Variants in SS18 observed in about 807,000 individuals in gnomAD.
SS18 encodes the protein SS18 subunit of BAF chromatin remodeling complex.
A neutral mutation model predicts 72.5 loss-of-function variants in SS18; 28 were observed. The ratio of observed to expected loss-of-function variants is 0.39; its 90% CI spans 0.29 to 0.53. The LOEUF is 0.53. Ranked by LOEUF, SS18 falls within the 20% of genes least tolerant of loss-of-function variation. The probability of loss-of-function intolerance (pLI) is 0.76; values close to 1 mark genes in which losing one functional copy is unlikely to be tolerated. For synonymous variants in SS18, 172 were observed against 164.2 expected, an observed-to-expected ratio of 1.05 and a Z score of -0.37; for missense variants, 518 against 535.3, an observed-to-expected ratio of 0.97 and a Z score of 0.32.
chr18:26,039,561 T>TA, intron 5 of SS18, 105 bp from the exon 6 acceptor site: 1 of 1,004,330 alleles, frequency 1.0e-6, no homozygotes. Context: ...AATATATAAT[T>TA]AAATGCAGTA....
intron 3 of SS18, chr18:26,065,021 G>C (rs912334783): frequency 6.6e-6 from 1 of 151,978 alleles, no homozygotes; most frequent in Non-Finnish European, 1.5e-5. Context: ...AAAACACTAG[G>C]AATAAATCTA....
chr18:26,051,851 T>C (rs1316761832), intron 5 of SS18, among the ~76,000 whole-genome samples: 3 of 152,254 alleles, frequency 2.0e-5, no homozygotes, highest in Admixed American at 6.5e-5. Flanking sequence ...TAAGGAATTA[T>C]CAACAGATTA....
At chr18:26,029,026 C>T (rs865958701) in intron 10 of SS18, among the ~76,000 whole-genome samples, 6 of 152,114 alleles carry the variant, frequency 3.9e-5, no homozygotes, top group Non-Finnish European at 5.9e-5. Context: ...CTCTCTGATA[C>T]GACGTGATGA....
chr18:26,072,811 A>AAC (rs1458425430), intron 3 of SS18, among the ~76,000 whole-genome samples: 2 of 151,020 alleles, frequency 1.3e-5, no homozygotes, highest in African/African-American at 2.4e-5. Context: ...AAAAAAAAAA[A>AAC]AAAAAAAAAA....
At chr18:26,048,839 A>C (rs966575880) in intron 5 of SS18, among the ~76,000 whole-genome samples, 4 of 152,246 alleles carry the variant, frequency 2.6e-5, no homozygotes, top group Non-Finnish European at 4.4e-5. Context: ...AAAATAAGAC[A>C]GTAGCTGATA....
intron 4 of SS18, among the ~76,000 whole-genome samples, chr18:26,057,231 C>T (rs1204997483): frequency 1.3e-5 from 2 of 152,154 alleles, no homozygotes; most frequent in Admixed American, 6.5e-5. Flanking sequence ...TAAATAAAAA[C>T]TCAGGGAAAT....
At chr18:26,053,638 A>T (rs2053962115) in intron 4 of SS18, among the ~76,000 whole-genome samples, 2 of 150,616 alleles carry the variant, frequency 1.3e-5, no homozygotes, top group African/African-American at 5.0e-5. Flanking sequence ...CAGTAAAAGA[A>T]TGGGCAAAGG....
intron 5 of SS18, among the ~76,000 whole-genome samples, chr18:26,040,668 T>C (rs948388298): frequency 1.3e-5 from 2 of 152,210 alleles, no homozygotes; most frequent in Admixed American, 6.5e-5. Flanking sequence ...AGACTTCACA[T>C]TTCCAATCAG....
intron 10 of SS18, among the ~76,000 whole-genome samples, chr18:26,026,947 G>T (rs2053456079): frequency 6.6e-6 from 1 of 152,080 alleles, no homozygotes; most frequent in African/African-American, 2.4e-5. Context: ...ATATGACACT[G>T]TTAAAAAAAA....
chr18:26,083,246 G>A (rs1476003495), intron 2 of SS18, among the ~76,000 whole-genome samples: 1 of 150,782 alleles, frequency 6.6e-6, no homozygotes, highest in Admixed American at 6.7e-5. Context: ...TGTAGAGAAT[G>A]AGGGAAATGA....
chr18:26,036,891 A>G (rs2053635230), intron 7 of SS18, among the ~76,000 whole-genome samples: 1 of 152,096 alleles, frequency 6.6e-6, no homozygotes, highest in Non-Finnish European at 1.5e-5. Flanking sequence ...AGTCATGCCT[A>G]TTCATTTCAG....
rs530943881 is a variant in SS18 at position 26,073,266 on chromosome 18, GAATTA to G, written c.231+4805_231+4809del. Among the ~76,000 whole-genome samples, 301 of 152,084 alleles carry G rather than the reference GAATTA, an allele frequency of 2.0e-3. 1 individual carries two copies. The highest frequency in any genetic ancestry group is 7.1e-3 in the African/African-American group (296 of 41,506). On this transcript the variant is annotated intron_variant, in intron 3 of 10. Transcript: ENST00000415083. Reference sequence around the variant, plus strand: ...AATTATGAAAATTAGAAAATATTTGGAATTAAATAAATATGAATATACTACATATC... The same window carrying G: ...AATTATGAAAATTAGAAAATATTTGGAATAAATATGAATATACTACATATC...
intron 7 of SS18, 111 bp from the exon 8 acceptor site, chr18:26,036,034 C>T (rs1174120284): frequency 1.3e-6 from 1 of 753,982 alleles, no homozygotes; most frequent in African/African-American, 1.8e-5. Flanking sequence ...AGAAATGGAA[C>T]ATAAAAAATA....
At chr18:26,078,651 C>A (rs1309791980) in intron 2 of SS18, among the ~76,000 whole-genome samples, 1 of 152,086 alleles carries the variant, frequency 6.6e-6, no homozygotes, top group African/African-American at 2.4e-5. Flanking sequence ...TTTAGGAGCC[C>A]AAGGTGGGCA....
chr18:26,026,741 G>T (rs887170037), intron 10 of SS18, among the ~76,000 whole-genome samples: 2 of 152,040 alleles, frequency 1.3e-5, no homozygotes, highest in African/African-American at 4.8e-5. Context: ...AATATTCAAT[G>T]AAATCTACAA....
At chr18:26,067,980 G>A (rs953942608) in intron 3 of SS18, among the ~76,000 whole-genome samples, 6 of 152,090 alleles carry the variant, frequency 3.9e-5, no homozygotes, top group Non-Finnish European at 8.8e-5. Context: ...TCCCTTGCAT[G>A]CACAGTTCAC....
chr18:26,044,147 C>CA (rs1473231115), intron 5 of SS18, among the ~76,000 whole-genome samples: 2 of 152,028 alleles, frequency 1.3e-5, no homozygotes, highest in East Asian at 1.9e-4. Flanking sequence ...TCATAGAACT[C>CA]AGAGTCTAAA....
chr18:26,042,047 A>G (rs2053737721), intron 5 of SS18, among the ~76,000 whole-genome samples: 1 of 152,160 alleles, frequency 6.6e-6, no homozygotes, highest in Non-Finnish European at 1.5e-5. Flanking sequence ...CTTATCCATT[A>G]AAGAAAAAAA....
intron 3 of SS18, among the ~76,000 whole-genome samples, chr18:26,071,435 G>C (rs2054308310): frequency 6.6e-6 from 1 of 152,180 alleles, no homozygotes; most frequent in South Asian, 2.1e-4. Flanking sequence ...ATTGATATCT[G>C]AATTTTCAAT....
Sources: gnomAD v4.1 joint callset for allele counts (sites outside exome capture counted in the v4.1 genomes callset) on GRCh38, gnomAD v4.1.1 for gene constraint, MANE v1.5 for transcripts, NCBI Gene and HGNC (gene_info 2026-07-23, HGNC 2026-07-21) for gene names.